The following NREP variants were observed in gnomAD, a reference collection of about 807,000 sequenced individuals.
The protein encoded by NREP is neuronal regeneration-related protein.
A neutral mutation model predicts 8.6 loss-of-function variants in NREP; 5 were observed. The ratio of observed to expected loss-of-function variants is 0.58; its 90% confidence interval spans 0.30 to 1.22. NREP has a LOEUF of 1.22. Among genes scored for constraint, NREP ranks in the 50% most tolerant of loss-of-function variants. The pLI is 0.07. For synonymous variants in NREP, 27 were observed against 28.0 expected (o/e 0.96, Z 0.11); for missense variants, 86 against 82.5 (o/e 1.04, Z -0.17).
intron 2 of NREP, among the ~76,000 whole-genome samples, chr5:111,950,841 C>T (rs922764702): frequency 5.3e-5 from 8 of 151,982 alleles, no homozygotes; most frequent in Admixed American, 2.6e-4. Context: ...AATCATAAAA[C>T]ATTTGAGACA....
intron 2 of NREP, among the ~76,000 whole-genome samples, chr5:111,804,727 C>A (rs531935878): frequency 1.3e-5 from 2 of 151,986 alleles, no homozygotes; most frequent in East Asian, 3.8e-4. Context: ...ACAGAGCCCG[C>A]GCAGTGGCTC....
intron 2 of NREP, among the ~76,000 whole-genome samples, chr5:111,914,660 C>T (rs1260191296): frequency 6.6e-6 from 1 of 152,038 alleles, no homozygotes; most frequent in African/African-American, 2.4e-5. Flanking sequence ...TGAGTGTACC[C>T]TTTCTGCAGA....
chr5:111,840,911 A>G (rs1048118618), intron 2 of NREP, among the ~76,000 whole-genome samples: 2 of 152,062 alleles, frequency 1.3e-5, no homozygotes, highest in Non-Finnish European at 1.5e-5. Flanking sequence ...AGATTTGCCT[A>G]ATATAAAAGG....
At chr5:111,945,532 A>C (rs112582726) in intron 2 of NREP, among the ~76,000 whole-genome samples, 1 of 7,378 alleles carries the variant, frequency 1.4e-4, no homozygotes, top group Non-Finnish European at 1.1e-3. Flanking sequence ...AGGAAAAAGA[A>C]GAAAAAATGA....
chr5:111,919,278 G>C (rs1205046625), intron 2 of NREP, among the ~76,000 whole-genome samples: 1 of 152,168 alleles, frequency 6.6e-6, no homozygotes, highest in East Asian at 1.9e-4. Flanking sequence ...ATTGCTGGGA[G>C]TGTAAATTAG....
chr5:111,934,985 G>A (rs1001100445), intron 2 of NREP, among the ~76,000 whole-genome samples: 6 of 151,958 alleles, frequency 3.9e-5, no homozygotes, highest in Non-Finnish European at 7.4e-5. Context: ...AGTAGGGTGG[G>A]TGGGGCAAGT....
rs1748504096 is a variant in NREP, at chr5:111,731,032, G to A, written c.96C>T (p.Val32=). 1 of 1,613,838 alleles carries A rather than the reference G, an allele frequency of 6.2e-7. No individual in the cohort carries two copies. Among genetic ancestry groups the A allele is most frequent in the African/African-American group, 1.3e-5 (1 of 75,022 alleles). Residue 32 remains valine, a synonymous_variant, in exon 4 of 4, where the codon GTC becomes GTT. Transcript: ENST00000257435. ...TCTTCTTGCGGTTCACTTCCTTTGG[G>A]ACAGGAAGTCTTCCCTGCAAAGCAG... The part of the protein sequence containing the change: ...EGRLPKGRLP[V]PKEVNRKKND...
At chr5:111,736,957 TACC>T (rs1457513862) in intron 2 of NREP, among the ~76,000 whole-genome samples, 2 of 152,184 alleles carry the variant, frequency 1.3e-5, no homozygotes, top group Admixed American at 6.5e-5. Context: ...GCAAATCGCC[TACC>T]ACCACTCCCT....
intron 2 of NREP, among the ~76,000 whole-genome samples, chr5:111,940,944 G>A (rs1755812244): frequency 6.6e-6 from 1 of 152,092 alleles, no homozygotes; most frequent in African/African-American, 2.4e-5. Flanking sequence ...GTATGGATAT[G>A]TCATATAATG....
At chr5:111,975,460 G>A (rs970402731) in intron 1 of NREP, 15 of 874,972 alleles carry the variant, frequency 1.7e-5, no homozygotes, top group African/African-American at 1.7e-4. Context: ...ATTCAGAGAG[G>A]AGGAGAATGG....
chr5:111,771,283 T>G (rs975653415), intron 2 of NREP, among the ~76,000 whole-genome samples: 1 of 152,142 alleles, frequency 6.6e-6, no homozygotes, highest in African/African-American at 2.4e-5. Flanking sequence ...CTTCACAGAT[T>G]CTTTGAGTTA....
intron 2 of NREP, among the ~76,000 whole-genome samples, chr5:111,741,378 T>G (rs1581054532): frequency 6.6e-6 from 1 of 152,170 alleles, no homozygotes; most frequent in East Asian, 1.9e-4. Flanking sequence ...ATACATACAC[T>G]TCCTTTCTGC....
At chr5:111,807,181 T>A (rs1752162849) in intron 2 of NREP, among the ~76,000 whole-genome samples, 1 of 152,068 alleles carries the variant, frequency 6.6e-6, no homozygotes, top group African/African-American at 2.4e-5. Flanking sequence ...AACCCCCAAA[T>A]AAAACCTTAC....
At chr5:111,841,634 G>A (rs6883284) in intron 2 of NREP, among the ~76,000 whole-genome samples, 8 of 152,030 alleles carry the variant, frequency 5.3e-5, no homozygotes, top group African/African-American at 1.9e-4. Context: ...AGGGGTGTTC[G>A]TAAACCTGGG....
chr5:111,882,882 G>A (rs1427622414), intron 2 of NREP, among the ~76,000 whole-genome samples: 1 of 152,238 alleles, frequency 6.6e-6, no homozygotes, highest in African/African-American at 2.4e-5. Context: ...ATGCCAAATG[G>A]TAAAGACCAT....
rs185998526 is a variant in NREP, at chr5:111,942,399, G to A, written c.135+32875C>T. ...AGTCATTGCTTTGGTTCCCTGGTGC[G>A]GCTTAAAAACAGTCCCTAAAATAGG... On this transcript the variant is annotated intron_variant, in intron 2 of 3. Transcript: ENST00000395634. 1.8e-4 allele frequency among the ~76,000 whole-genome samples: 28 copies of A among 151,982 alleles called. 1 individual carries two copies. In the East Asian group the frequency reaches 4.3e-3, roughly 23 times the overall value.
chr5:111,863,503 T>G (rs1753598023), intron 2 of NREP, among the ~76,000 whole-genome samples: 1 of 152,080 alleles, frequency 6.6e-6, no homozygotes, highest in Non-Finnish European at 1.5e-5. Context: ...ATAGATGAGT[T>G]TGCTTCAAGA....
chr5:111,887,951 T>A (rs974508224), intron 2 of NREP, among the ~76,000 whole-genome samples: 1 of 152,140 alleles, frequency 6.6e-6, no homozygotes, highest in Non-Finnish European at 1.5e-5. Context: ...AATTACAAAA[T>A]CTTTGGAAAT....
intron 2 of NREP, among the ~76,000 whole-genome samples, chr5:111,971,135 A>C (rs1209184931): frequency 1.3e-5 from 2 of 152,158 alleles, no homozygotes. Flanking sequence ...ACAATCTCTA[A>C]AGGATTCAAA....
Sources: allele counts gnomAD v4.1 joint callset (sites outside exome capture counted in the v4.1 genomes callset), GRCh38; gene constraint gnomAD v4.1.1; transcripts MANE v1.5; gene names NCBI Gene and HGNC (gene_info 2026-07-23, HGNC 2026-07-21).